AGBL2: variants seen among roughly 807,000 people sequenced by gnomAD.
The protein encoded by AGBL2 is AGBL carboxypeptidase 2, also known as cytosolic carboxypeptidase 2.
Under a neutral mutation model 103.0 loss-of-function variants are expected in AGBL2, and 87 were observed. That is an observed-to-expected ratio of 0.84 (90% CI 0.71 to 1.01). AGBL2 has a LOEUF of 1.01. AGBL2 is among the 50% of genes least tolerant of loss of function. The pLI is 0.00. For missense variants in AGBL2, 904 were observed against 1,023.5 expected (o/e 0.88, Z 1.59); for synonymous variants, 335 against 356.7 (o/e 0.94, Z 0.69).
chr11:47,712,642 G>A (rs1212542615), intron 3 of AGBL2, among the ~76,000 whole-genome samples: 1 of 152,194 alleles, frequency 6.6e-6, no homozygotes, highest in East Asian at 1.9e-4. Flanking sequence ...AGTGGCTCAC[G>A]CCTGTAATCC....
Position 47,692,254 on chromosome 11 carries a change from G to A in AGBL2, c.697C>T (p.Pro233Ser). Residue 233 changes from proline (P) to serine (S), a missense_variant and splice_region_variant, in exon 9 of 19, where the codon CCT (proline) becomes TCT (serine). By Grantham distance (74) the Pro-to-Ser change is moderately conservative (BLOSUM62 -1). Transcript: ENST00000525123. ...CTGGTAAAATAGGAACCTTCTATAG[G>A]CACTGCAGAGAAAAGATATATTTAG... ...GTVVYQLDSV[P>S]IEGSYFTSSR... 1 of 1,613,124 alleles carries A rather than the reference G, an allele frequency of 6.2e-7. No individual in the cohort carries two copies. Among genetic ancestry groups the A allele is most frequent in the Non-Finnish European group, 8.5e-7 (1 of 1,179,472 alleles).
intron 7 of AGBL2, among the ~76,000 whole-genome samples, chr11:47,702,257 C>G (rs1049217200): frequency 6.6e-6 from 1 of 152,170 alleles, no homozygotes; most frequent in African/African-American, 2.4e-5. Flanking sequence ...CCCAAGCATG[C>G]CATGCTCTTT....
chr11:47,712,835 G>A (rs892201038), intron 3 of AGBL2, among the ~76,000 whole-genome samples: 2 of 151,922 alleles, frequency 1.3e-5, no homozygotes, highest in East Asian at 3.9e-4. Flanking sequence ...AGGTCAGTTC[G>A]AGACCAGCCT....
chr11:47,678,919 C>T (rs926794410), intron 13 of AGBL2, among the ~76,000 whole-genome samples: 1 of 150,808 alleles, frequency 6.6e-6, no homozygotes, highest in Non-Finnish European at 1.5e-5. Flanking sequence ...ATTAGCCGGA[C>T]GTGGTGGTGC....
At chr11:47,701,973 CA>C (rs11319513) in intron 7 of AGBL2, among the ~76,000 whole-genome samples, 101,282 of 107,602 alleles carry the variant, frequency 0.94, 47,571 homozygotes, top group South Asian at 0.97. Flanking sequence ...ACTCTGTTCT[CA>C]AAAAAAAAAA....
In AGBL2 at chr11:47,685,972, C is replaced by A; in HGVS notation, c.1709G>T (p.Gly570Val). The change falls in exon 11 of 19, where the codon GGC (glycine) becomes GTC (valine). Residue 570 changes from glycine to valine, a missense_variant. By Grantham distance (109) the Gly-to-Val change is moderately radical. Coordinates refer to ENST00000525123, the MANE Select transcript of AGBL2 (RefSeq NM_024783.4). The stretch of plus-strand genomic sequence containing the variant: ...GTATTTGCGATTGTTGTTATTACAG[C>A]CATACAGGAAGATATTATTCTTACG... ...HSRKNNIFLY[G>V]CNNNNRKYWL... is the part of the protein sequence containing the mutation. The A allele has an allele frequency of 1.2e-6, 2 of 1,613,816 alleles. No individual in the cohort carries two copies. Among genetic ancestry groups the A allele is most frequent in the Non-Finnish European group, 1.7e-6 (2 of 1,179,818 alleles).
At chr11:47,680,828 C>T (rs1351515220) in intron 12 of AGBL2, among the ~76,000 whole-genome samples, 2 of 48,884 alleles carry the variant, frequency 4.1e-5, no homozygotes, top group Non-Finnish European at 6.7e-5. Flanking sequence ...AACAAAACAC[C>T]TCTTATTCTA....
At chr11:47,691,729 A>AAAAAAAAAAATATAT in intron 9 of AGBL2, among the ~76,000 whole-genome samples, 11 of 4,854 alleles carry the variant, frequency 2.3e-3, no homozygotes, top group African/African-American at 5.8e-3. Flanking sequence ...AAAAAAAAAA[A>AAAAAAAAAAATATAT]ATATATATAT....
At chr11:47,666,779 G>A (rs1272317669) in intron 17 of AGBL2, 177 bp downstream of exon 17, 1 of 661,192 alleles carries the variant, frequency 1.5e-6, no homozygotes, top group Non-Finnish European at 2.7e-6. Flanking sequence ...CTTCAGTCAT[G>A]TCTAATCCAA....
At chr11:47,664,422 T>C (rs1236012718) in intron 17 of AGBL2, among the ~76,000 whole-genome samples, 2 of 150,968 alleles carry the variant, frequency 1.3e-5, no homozygotes, top group Non-Finnish European at 3.0e-5. Context: ...AAGTTTTTTT[T>C]TTTTTTTAAG....
In AGBL2 at chr11:47,690,201, A is replaced by C. The variant is rs2097439313; in HGVS notation, c.1506T>G (p.Asn502Lys). Residue 502 changes from asparagine (N) to lysine (K), a missense_variant, in exon 10 of 19, where the codon AAT (asparagine) becomes AAG (lysine). By Grantham distance (94) the Asn-to-Lys change is moderately conservative (BLOSUM62 0). Coordinates refer to ENST00000525123, the MANE Select transcript of AGBL2 (RefSeq NM_024783.4). ...AATTCCCCACAATCACACCATCTGG[A>C]TTTAACATGGGAAGCACCTTGAAGA... ...IFVFKVLPML[N>K]PDGVIVGNYR... 6.2e-7 allele frequency: 1 copy of C among 1,614,140 alleles called. No individual in the cohort carries two copies. Among genetic ancestry groups the C allele is most frequent in the African/African-American group, 1.3e-5 (1 of 75,036 alleles).
At chr11:47,676,643 C>T (rs1345980662) in intron 14 of AGBL2, among the ~76,000 whole-genome samples, 2 of 151,966 alleles carry the variant, frequency 1.3e-5, no homozygotes, top group East Asian at 3.9e-4. Flanking sequence ...CACGGTGAAA[C>T]CCCATCTCTA....
intron 3 of AGBL2, among the ~76,000 whole-genome samples, chr11:47,711,865 A>G (rs1425724455): frequency 6.6e-6 from 1 of 152,108 alleles, no homozygotes; most frequent in African/African-American, 2.4e-5. Flanking sequence ...GGAAAGTAAA[A>G]AATTGTATGA....
At chr11:47,707,003 A>T (rs1482463997) in intron 4 of AGBL2, among the ~76,000 whole-genome samples, 1 of 144,298 alleles carries the variant, frequency 6.9e-6, no homozygotes, top group African/African-American at 2.6e-5. Flanking sequence ...CCTGGCCAAT[A>T]TGGTGAAACC....
intron 9 of AGBL2, among the ~76,000 whole-genome samples, chr11:47,691,785 G>T (rs1178429421): frequency 1.1e-5 from 1 of 94,380 alleles, no homozygotes; most frequent in African/African-American, 4.1e-5. Context: ...TACACACACA[G>T]AAAAATATTA....
chr11:47,714,500 G>T, intron 2 of AGBL2, 118 bp downstream of exon 2: 2 of 1,367,438 alleles, frequency 1.5e-6, no homozygotes, highest in Non-Finnish European at 2.1e-6. Flanking sequence ...AAGATCTCCA[G>T]CTGAGAAAAG....
Position 47,680,786 on chromosome 11 carries a change from G to GAAACAAAACAAAACAAAACAAAACA in AGBL2, c.1916-738_1916-714dup, listed in dbSNP as rs56208874. Among the ~76,000 whole-genome samples the GAAACAAAACAAAACAAAACAAAACA allele has an allele frequency of 8.8e-5, 13 of 147,610 alleles. No homozygotes were observed. The East Asian group carries it at 1.2e-3, about 14-fold the overall frequency. ...AGCCTGGGTAACAGAGGGAGACCCT[G>GAAACAAAACAAAACAAAACAAAACA]AAACAAAACAAAACAAAACAAAACA... On this transcript the variant is annotated intron_variant, in intron 12 of 18. Coordinates refer to ENST00000525123, the MANE Select transcript of AGBL2 (RefSeq NM_024783.4).
rs1420560900 is a variant in AGBL2 at position 47,714,534 on chromosome 11, A to AT, written c.33+83dup. 1.6e-5 allele frequency: 24 copies of AT among 1,462,688 alleles called. No individual in the cohort carries two copies. In the East Asian group the frequency reaches 5.2e-4, roughly 32 times the overall value. 90.6% of individuals were successfully genotyped at this position (1,462,688 alleles called of 1,614,324 possible). ...AGATGCCACCAGAACATCCCTTCTC[A>AT]TCTAGTAGCAGATTTCTGTGGAGTT... On this transcript the variant is annotated intron_variant, in intron 2 of 18. Coordinates refer to ENST00000525123, the MANE Select transcript of AGBL2 (RefSeq NM_024783.4).
intron 10 of AGBL2, 46 bp from the exon 11 acceptor site, chr11:47,686,095 A>T: frequency 6.4e-7 from 1 of 1,570,694 alleles, no homozygotes; most frequent in Non-Finnish European, 8.7e-7. Context: ...CCAAATGCAT[A>T]CAAATAATTA....
Sources: allele counts gnomAD v4.1 joint callset (sites outside exome capture counted in the v4.1 genomes callset), GRCh38; gene constraint gnomAD v4.1.1; transcripts MANE v1.5; gene names NCBI Gene and HGNC (gene_info 2026-07-23, HGNC 2026-07-21).